MTRF1: variants seen among roughly 807,000 people sequenced by gnomAD.
MTRF1 encodes the protein peptide chain release factor 1, mitochondrial.
In MTRF1, 51 loss-of-function variants were observed where a neutral mutation model predicts 62.9. The observed-to-expected ratio is 0.81, with a 90% CI of 0.65 to 1.02. The LOEUF is 1.02. Ranked by LOEUF, MTRF1 falls within the 50% of genes least tolerant of loss-of-function variation. The pLI is 0.00. For synonymous variants in MTRF1, 158 were observed against 181.9 expected, an observed-to-expected ratio of 0.87 and a Z score of 1.06; for missense variants, 446 against 530.0, an observed-to-expected ratio of 0.84 and a Z score of 1.56.
intron 2 of MTRF1, among the ~76,000 whole-genome samples, chr13:41,255,627 G>C (rs942720378): frequency 1.3e-5 from 2 of 152,134 alleles, no homozygotes; most frequent in Non-Finnish European, 2.9e-5. Flanking sequence ...AGGAGGTAGA[G>C]GTTGCGGTGA....
chr13:41,232,988 G>A (rs962540999), intron 7 of MTRF1, among the ~76,000 whole-genome samples: 2 of 152,136 alleles, frequency 1.3e-5, no homozygotes, highest in African/African-American at 2.4e-5. Flanking sequence ...TGGGCTCAGC[G>A]TCTAACACTA....
chr13:41,260,901 G>A lies in MTRF1; in HGVS notation c.7C>T (p.Arg3Cys), dbSNP rs756123852. 1.3e-5 allele frequency: 21 copies of A among 1,596,640 alleles called. No individual in the cohort carries two copies. The highest frequency in any genetic ancestry group is 6.7e-5 in the East Asian group (3 of 44,542). ...CTAAAAAGCCAAACACACAGGTGAC[G>A]ATTCATCTCAGCATCTGAAATACAA... is the stretch of plus-strand genomic sequence containing the variant. MN[R>C]HLCVWLFRHP... The change falls in exon 2 of 10, where the codon CGT (arginine) becomes TGT (cysteine). Residue 3 changes from arginine (R) to cysteine (C), a missense_variant. By Grantham distance (180) the Arg-to-Cys change is radical. Transcript: ENST00000379480.
At chr13:41,309,341 AGTGTGTGTGTGTGTGTGTGTGTGTGT>A in the MTRF1 span, among the ~76,000 whole-genome samples, 2 of 135,570 alleles carry the variant, frequency 1.5e-5, no homozygotes, top group Non-Finnish European at 3.2e-5. Flanking sequence ...ATGCCCAGCT[AGTGTGTGTGTGTGTGTGTGTGTGTGT>A]GTGTGTGTGT....
At chr13:41,265,232 G>A (rs2040807333), upstream of MTRF1, among the ~76,000 whole-genome samples, 1 of 152,024 alleles carries the variant, frequency 6.6e-6, no homozygotes, top group Non-Finnish European at 1.5e-5. Flanking sequence ...AAACCAGCCT[G>A]ACCAACATGG....
At chr13:41,268,476 G>A (rs571732677), upstream of MTRF1, among the ~76,000 whole-genome samples, 7 of 152,034 alleles carry the variant, frequency 4.6e-5, no homozygotes, top group Non-Finnish European at 7.4e-5. Flanking sequence ...AACCTGGGAG[G>A]TGAAGATTGC....
the MTRF1 span, among the ~76,000 whole-genome samples, chr13:41,310,568 G>A: frequency 6.6e-6 from 1 of 152,244 alleles, no homozygotes; most frequent in Admixed American, 6.5e-5. Context: ...CACTCGGGAG[G>A]CTGAGGCAGG....
chr13:41,286,844 A>T, the MTRF1 span, among the ~76,000 whole-genome samples: 2 of 152,234 alleles, frequency 1.3e-5, no homozygotes, highest in Admixed American at 6.5e-5. Context: ...TCATTTCATT[A>T]TGATATACAG....
the MTRF1 span, among the ~76,000 whole-genome samples, chr13:41,294,522 A>G: frequency 2.0e-5 from 3 of 152,158 alleles, no homozygotes; most frequent in Non-Finnish European, 4.4e-5. Flanking sequence ...ATTGTTTCAA[A>G]ATATAGAACA....
the MTRF1 span, among the ~76,000 whole-genome samples, chr13:41,306,652 C>T: frequency 6.6e-6 from 1 of 152,132 alleles, no homozygotes; most frequent in Admixed American, 6.5e-5. Flanking sequence ...CGAGAAGAAT[C>T]AGTGGCCCAT....
chr13:41,269,972 G>A, the MTRF1 span, among the ~76,000 whole-genome samples: 13,806 of 152,202 alleles, frequency 0.091, 864 homozygotes, highest in African/African-American at 0.17. Flanking sequence ...AAACTTTACT[G>A]CCTGTGGACT....
chr13:41,281,322 C>T, the MTRF1 span, among the ~76,000 whole-genome samples: 1 of 152,114 alleles, frequency 6.6e-6, no homozygotes, highest in Non-Finnish European at 1.5e-5. Context: ...TGTGGTCAGC[C>T]ATCCAAATCC....
the MTRF1 span, among the ~76,000 whole-genome samples, chr13:41,284,827 T>A: frequency 1.3e-5 from 2 of 152,170 alleles, no homozygotes; most frequent in African/African-American, 4.8e-5. Flanking sequence ...CTAACTTTTG[T>A]ATTTTTAGTA....
the MTRF1 span, chr13:41,311,452 C>A: frequency 7.1e-7 from 1 of 1,417,506 alleles, no homozygotes; most frequent in Non-Finnish European, 9.7e-7. Context: ...CGGTTCGTCC[C>A]GGTGCCCACC....
the MTRF1 span, among the ~76,000 whole-genome samples, chr13:41,292,927 C>T: frequency 6.6e-6 from 1 of 152,128 alleles, no homozygotes; most frequent in Admixed American, 6.5e-5. Flanking sequence ...CAGAGTGAGA[C>T]ACTATCACCA....
intron 9 of MTRF1, among the ~76,000 whole-genome samples, chr13:41,221,911 A>G (rs2033455109): frequency 6.6e-6 from 1 of 152,252 alleles, no homozygotes; most frequent in African/African-American, 2.4e-5. Context: ...TTTCCGGAGG[A>G]AAGGGAAATT....
the MTRF1 span, among the ~76,000 whole-genome samples, chr13:41,273,794 A>G: frequency 0.052 from 7,971 of 151,942 alleles, 260 homozygotes; most frequent in African/African-American, 0.079. Context: ...CCAAGATCGC[A>G]CCATTGCACT....
Position 41,252,724 on chromosome 13 carries a change from T to A in MTRF1, c.618A>T (p.Glu206Asp). ...AATAATTCTGGTACATGTCAAATAT[T>A]TCTCGGGTAAATTGTTGGCAGATGT... is the stretch of plus-strand genomic sequence containing the variant. ...GGDICQQFTR[E>D]IFDMYQNYSC... The change falls in exon 5 of 10, where the codon GAA (glutamate) becomes GAT (aspartate). Residue 206 changes from glutamate to aspartate, a missense_variant. By Grantham distance (45) the Glu-to-Asp change is conservative (BLOSUM62 2). Transcript: ENST00000379480. The A allele has an allele frequency of 6.2e-7, 1 of 1,613,656 alleles. No homozygotes were observed. The highest frequency in any genetic ancestry group is 8.5e-7 in the Non-Finnish European group (1 of 1,179,836).
chr13:41,268,502 C>T (rs777518838), upstream of MTRF1, among the ~76,000 whole-genome samples: 11 of 151,616 alleles, frequency 7.3e-5, no homozygotes, highest in Non-Finnish European at 7.4e-5. Context: ...GCTGAGATCA[C>T]GTCACTGCAC....
At chr13:41,270,066 T>C in the MTRF1 span, among the ~76,000 whole-genome samples, 2 of 152,234 alleles carry the variant, frequency 1.3e-5, no homozygotes, top group Non-Finnish European at 2.9e-5. Flanking sequence ...CCAATATCAA[T>C]GTCTTGTTTA....
Sources: gnomAD v4.1 joint callset for allele counts (sites outside exome capture counted in the v4.1 genomes callset) on GRCh38, gnomAD v4.1.1 for gene constraint, MANE v1.5 for transcripts, NCBI Gene and HGNC (gene_info 2026-07-23, HGNC 2026-07-21) for gene names.